Variants in DGLUCY observed in about 807,000 individuals in gnomAD.
The protein encoded by DGLUCY is D-glutamate cyclase.
DGLUCY carries 58 observed loss-of-function variants against 58.5 expected under a neutral mutation model. That is an observed-to-expected ratio of 0.99 (90% confidence interval 0.80 to 1.23). The LOEUF (loss-of-function observed/expected upper bound fraction) is 1.23. Among genes scored for constraint, DGLUCY ranks in the 50% most tolerant of loss-of-function variants. The pLI, the probability that DGLUCY is intolerant of heterozygous loss-of-function variation, is 0.00. For missense variants in DGLUCY, 779 were observed against 784.7 expected (o/e 0.99, Z 0.09); for synonymous variants, 325 against 314.1 (o/e 1.03, Z -0.37).
At position 91,196,432 on chromosome 14, in the gene DGLUCY, C is replaced by T; in HGVS notation, c.1253C>T (p.Ala418Val). The T allele has an allele frequency of 1.9e-6, 3 of 1,614,152 alleles. No homozygotes were observed. The highest frequency in any genetic ancestry group is 2.5e-6 in the Non-Finnish European group (3 of 1,180,030). ...LTYQGGSVEA[A>V]QAFLCKNGDP... ...TACCAAGGTGGATCAGTGGAAGCTG[C>T]TCAGGCATTCCTGTGCAAAAATGGG... The change falls in exon 10 of 14, where the codon GCT (alanine) becomes GTT (valine). Residue 418 changes from alanine (A) to valine (V), a missense_variant. Coordinates refer to ENST00000256324, the MANE Select transcript of DGLUCY (RefSeq NM_001102368.3).
chr14:91,177,764 T>G (rs189885416), intron 7 of DGLUCY, among the ~76,000 whole-genome samples: 1 of 152,236 alleles, frequency 6.6e-6, no homozygotes, highest in South Asian at 2.1e-4. Flanking sequence ...ATCCCTAATG[T>G]GGTGATGAGG....
In DGLUCY at chr14:91,088,391, G is replaced by A. The variant is rs540413964; in HGVS notation, c.-82+27687G>A. ...AATACTTTTCTTTCCTTCCTGGAAA[G>A]AAGTCTTCCATGATAAGTTCCACAA... On this transcript the variant is annotated intron_variant, in intron 1 of 4. Transcript: ENST00000521334. Among the ~76,000 whole-genome samples the A allele has an allele frequency of 5.5e-4, 84 of 152,262 alleles. No individual in the cohort carries two copies. In the Middle Eastern group the frequency reaches 0.01, roughly 18 times the overall value.
intron 11 of DGLUCY, among the ~76,000 whole-genome samples, chr14:91,201,632 T>C (rs1286617098): frequency 6.6e-6 from 1 of 152,064 alleles, no homozygotes; most frequent in Non-Finnish European, 1.5e-5. Flanking sequence ...TTGGTAGAGA[T>C]GAGGTCTCAC....
At chr14:91,107,401 C>T (rs1039513200), upstream of DGLUCY, among the ~76,000 whole-genome samples, 2 of 151,950 alleles carry the variant, frequency 1.3e-5, no homozygotes, top group Non-Finnish European at 2.9e-5. Context: ...ACCTGTAATC[C>T]CAGCTACTTG....
intron 1 of DGLUCY, among the ~76,000 whole-genome samples, chr14:91,155,664 T>G (rs1157737462): frequency 1.3e-5 from 2 of 151,838 alleles, no homozygotes; most frequent in Non-Finnish European, 2.9e-5. Flanking sequence ...GGCGTGGTGG[T>G]GCTCACCTGT....
chr14:91,083,064 A>T (rs2044153959), intron 1 of DGLUCY, among the ~76,000 whole-genome samples: 1 of 152,188 alleles, frequency 6.6e-6, no homozygotes, highest in Non-Finnish European at 1.5e-5. Flanking sequence ...ATCAGAGTTT[A>T]CATCTCAGAA....
At chr14:91,167,191 A>C in intron 3 of DGLUCY, 34 bp from the exon 4 acceptor site, 1 of 1,552,610 alleles carries the variant, frequency 6.4e-7, no homozygotes, top group Non-Finnish European at 8.7e-7. Flanking sequence ...GAAACCGCTG[A>C]CTATACATTT....
intron 12 of DGLUCY, 142 bp from the exon 13 acceptor site, chr14:91,215,263 T>A (rs1886334487): frequency 7.3e-7 from 1 of 1,375,362 alleles, no homozygotes. Flanking sequence ...GCCAAAGAAT[T>A]TGTGTTTCTA....
intron 12 of DGLUCY, among the ~76,000 whole-genome samples, chr14:91,208,346 CA>C (rs1219429900): frequency 1.3e-5 from 2 of 152,238 alleles, no homozygotes; most frequent in Admixed American, 1.3e-4. Context: ...TTTGACCTTA[CA>C]TATCAGTTTG....
chr14:91,145,883 CTTTTT>C (rs1207001219), intron 1 of DGLUCY, among the ~76,000 whole-genome samples: 1 of 151,996 alleles, frequency 6.6e-6, no homozygotes, highest in Non-Finnish European at 1.5e-5. Flanking sequence ...CTTTAATTTT[CTTTTT>C]TATTTTTGGA....
chr14:91,218,978 G>A (rs1250875233), intron 13 of DGLUCY, among the ~76,000 whole-genome samples: 6 of 151,642 alleles, frequency 4.0e-5, no homozygotes, highest in African/African-American at 4.8e-5. Flanking sequence ...CCAGGAGTTC[G>A]AGACCAGCCT....
chr14:91,129,279 A>G (rs1347813542), intron 1 of DGLUCY, among the ~76,000 whole-genome samples: 1 of 152,170 alleles, frequency 6.6e-6, no homozygotes, highest in Non-Finnish European at 1.5e-5. Flanking sequence ...AGAAGCTTCT[A>G]TATGTGCTTC....
At chr14:91,147,381 C>T (rs542226433) in intron 1 of DGLUCY, among the ~76,000 whole-genome samples, 3 of 152,270 alleles carry the variant, frequency 2.0e-5, no homozygotes, top group South Asian at 2.1e-4. Context: ...GGCATAACCA[C>T]GTCTGATATG....
chr14:91,196,477 A>G lies in DGLUCY; in HGVS notation c.1295+3A>G, dbSNP rs1446307293. 1 of 1,612,778 alleles carries G rather than the reference A, an allele frequency of 6.2e-7. No homozygotes were observed. Among genetic ancestry groups the G allele is most frequent in the Non-Finnish European group, 8.5e-7 (1 of 1,178,906 alleles). ...AATGGGGACCCGCAGACACCTAGGTACGTATGTCGCATCCCAGTTTAAGTG... is the reference window on the plus strand; with the variant it reads ...AATGGGGACCCGCAGACACCTAGGTGCGTATGTCGCATCCCAGTTTAAGTG... On this transcript the variant is annotated splice_donor_region_variant and intron_variant, in intron 10 of 13. Coordinates refer to ENST00000256324, the MANE Select transcript of DGLUCY (RefSeq NM_001102368.3).
intron 10 of DGLUCY, among the ~76,000 whole-genome samples, chr14:91,197,614 C>T (rs2050298489): frequency 6.6e-6 from 1 of 152,190 alleles, no homozygotes; most frequent in Non-Finnish European, 1.5e-5. Context: ...TTTGACTATT[C>T]GAGGCACCTT....
At chr14:91,090,669 G>A (rs1014104118) in intron 1 of DGLUCY, among the ~76,000 whole-genome samples, 1 of 152,168 alleles carries the variant, frequency 6.6e-6, no homozygotes, top group African/African-American at 2.4e-5. Context: ...ACATGATCCA[G>A]CTCCCCTCTG....
At chr14:91,223,853 C>A in intron 13 of DGLUCY, 1 of 430,368 alleles carries the variant, frequency 2.3e-6, no homozygotes, top group Non-Finnish European at 3.9e-6. Context: ...TTTATCATCA[C>A]CCTCCCCATT....
At chr14:91,118,535 T>A (rs994303082) in intron 1 of DGLUCY, among the ~76,000 whole-genome samples, 4 of 152,200 alleles carry the variant, frequency 2.6e-5, no homozygotes, top group African/African-American at 9.7e-5. Context: ...ATATTTTGAT[T>A]TCCTTCTTTA....
At chr14:91,158,669 T>C (rs1215703932) in intron 2 of DGLUCY, among the ~76,000 whole-genome samples, 1 of 152,194 alleles carries the variant, frequency 6.6e-6, no homozygotes, top group Non-Finnish European at 1.5e-5. Context: ...TCATTCATTC[T>C]GCAGTCAGCT....
Sources: gnomAD v4.1 joint callset for allele counts (sites outside exome capture counted in the v4.1 genomes callset) on GRCh38, gnomAD v4.1.1 for gene constraint, MANE v1.5 for transcripts, NCBI Gene and HGNC (gene_info 2026-07-23, HGNC 2026-07-21) for gene names.